FRMD3: variants seen among roughly 807,000 people sequenced by gnomAD.
The protein encoded by FRMD3 is FERM domain containing 3.
Under a neutral mutation model 70.2 loss-of-function variants are expected in FRMD3, and 33 were observed. That is an observed-to-expected ratio of 0.47 (90% CI 0.36 to 0.63). The LOEUF (loss-of-function observed/expected upper bound fraction) is 0.63, where lower values mean the gene tolerates loss of function less well. FRMD3 is among the 20% of genes least tolerant of loss of function. The pLI, the probability that FRMD3 is intolerant of heterozygous loss-of-function variation, is 0.00. For missense variants in FRMD3, 632 were observed against 711.4 expected, an observed-to-expected ratio of 0.89 and a Z score of 1.27; for synonymous variants, 279 against 255.9, an observed-to-expected ratio of 1.09 and a Z score of -0.86.
At chr9:83,462,028 C>A (rs531008687) in intron 1 of FRMD3, among the ~76,000 whole-genome samples, 1 of 152,218 alleles carries the variant, frequency 6.6e-6, no homozygotes, top group East Asian at 1.9e-4. Context: ...TATTAGCCAA[C>A]TCACTTCATT....
intron 3 of FRMD3, among the ~76,000 whole-genome samples, chr9:83,368,942 A>T (rs1824879035): frequency 6.6e-6 from 1 of 151,360 alleles, no homozygotes; most frequent in South Asian, 2.1e-4. Flanking sequence ...TCAACCTCCA[A>T]CTCCCTGGTT....
At chr9:83,536,917 C>T (rs1350681521) in intron 1 of FRMD3, among the ~76,000 whole-genome samples, 2 of 95,244 alleles carry the variant, frequency 2.1e-5, no homozygotes, top group African/African-American at 4.5e-5. Flanking sequence ...GGGTGGTGTG[C>T]CCTGTATTAC....
At chr9:83,348,234 CCT>C (rs745989697) in intron 4 of FRMD3, among the ~76,000 whole-genome samples, 3 of 151,676 alleles carry the variant, frequency 2.0e-5, no homozygotes, top group Non-Finnish European at 2.9e-5. Context: ...CTCGCTCTCT[CCT>C]CTCTCTCTCT....
intron 12 of FRMD3, among the ~76,000 whole-genome samples, chr9:83,293,953 A>G (rs1042470854): frequency 6.6e-6 from 1 of 152,244 alleles, no homozygotes; most frequent in South Asian, 2.1e-4. Flanking sequence ...CTCCCAGCCC[A>G]ATGTGAGGCA....
At chr9:83,559,978 C>A in the FRMD3 span, among the ~76,000 whole-genome samples, 3 of 152,044 alleles carry the variant, frequency 2.0e-5, no homozygotes, top group African/African-American at 7.2e-5. Flanking sequence ...ATGCTGATGG[C>A]CACAAATTCC....
intron 1 of FRMD3, among the ~76,000 whole-genome samples, chr9:83,440,640 G>A (rs533966887): frequency 3.9e-5 from 6 of 152,310 alleles, no homozygotes; most frequent in East Asian, 1.9e-4. Context: ...GAACACCTAC[G>A]CTATCAAAGG....
At chr9:83,530,858 A>T (rs1163492020) in intron 1 of FRMD3, among the ~76,000 whole-genome samples, 3 of 151,862 alleles carry the variant, frequency 2.0e-5, no homozygotes, top group African/African-American at 7.3e-5. Context: ...CTCCTATCTG[A>T]TTTTAGGTAT....
chr9:83,508,256 A>G (rs1829249958), intron 1 of FRMD3, among the ~76,000 whole-genome samples: 1 of 152,128 alleles, frequency 6.6e-6, no homozygotes. Flanking sequence ...GACAGTGGTT[A>G]CTCTCAGGAA....
At chr9:83,267,035 G>T (rs1424961566) in intron 13 of FRMD3, 12 of 1,550,956 alleles carry the variant, frequency 7.7e-6, no homozygotes, top group African/African-American at 1.4e-5. Context: ...TGTGACCTTG[G>T]AGCCGAGTCT....
rs116726689 is a variant in FRMD3 at position 83,280,338 on chromosome 9, C to T, written c.1195+10265G>A. Reference sequence around the variant, plus strand: ...ATTCGGTGTCCACTCAAGTGCAGTCCAGCACCTGTGTATATTGGAGACTTA... The same window carrying T: ...ATTCGGTGTCCACTCAAGTGCAGTCTAGCACCTGTGTATATTGGAGACTTA... On this transcript the variant is annotated intron_variant, in intron 13 of 13. Coordinates refer to ENST00000304195, the MANE Select transcript of FRMD3 (RefSeq NM_174938.6). 5.1e-3 allele frequency among the ~76,000 whole-genome samples: 781 copies of T among 152,314 alleles called. 9 individuals are homozygous for T. Among genetic ancestry groups the T allele is most frequent in the African/African-American group, 0.018 (742 of 41,564 alleles).
intron 1 of FRMD3, among the ~76,000 whole-genome samples, chr9:83,479,650 A>G (rs1479960801): frequency 2.0e-5 from 1 of 48,850 alleles, no homozygotes; most frequent in African/African-American, 1.1e-4. Flanking sequence ...GAAGGAAGGA[A>G]GGAAGGAAGG....
At chr9:83,381,991 C>T (rs561279569) in intron 2 of FRMD3, among the ~76,000 whole-genome samples, 1 of 151,954 alleles carries the variant, frequency 6.6e-6, no homozygotes, top group Admixed American at 6.6e-5. Context: ...CCAGTCCCTA[C>T]TCCCAAGAAA....
intron 1 of FRMD3, among the ~76,000 whole-genome samples, chr9:83,479,021 G>A (rs148182724): frequency 1.6e-4 from 25 of 152,032 alleles, no homozygotes; most frequent in Admixed American, 1.6e-3. Flanking sequence ...ATAAAAGAAT[G>A]AATAAACTAA....
chr9:83,268,416 A>C (rs959948649), intron 13 of FRMD3, among the ~76,000 whole-genome samples: 3 of 152,244 alleles, frequency 2.0e-5, no homozygotes, highest in Non-Finnish European at 4.4e-5. Flanking sequence ...GAAAATAATC[A>C]GAAATGCTGA....
chr9:83,329,964 C>G (rs1007128586), intron 6 of FRMD3, among the ~76,000 whole-genome samples: 2 of 152,182 alleles, frequency 1.3e-5, no homozygotes, highest in Non-Finnish European at 2.9e-5. Context: ...TATTCTTGAT[C>G]TTAAACCCCT....
chr9:83,512,970 A>T (rs917388105), intron 1 of FRMD3, among the ~76,000 whole-genome samples: 3 of 152,214 alleles, frequency 2.0e-5, no homozygotes, highest in African/African-American at 7.2e-5. Context: ...AAATAAAATG[A>T]CACGATGAAA....
chr9:83,476,399 A>T (rs1045771949), intron 1 of FRMD3, among the ~76,000 whole-genome samples: 2 of 149,230 alleles, frequency 1.3e-5, no homozygotes, highest in Non-Finnish European at 3.0e-5. Context: ...AAAAAAAAAA[A>T]GGATATGTTG....
intron 1 of FRMD3, among the ~76,000 whole-genome samples, chr9:83,459,766 C>T (rs1170459634): frequency 6.6e-6 from 1 of 152,258 alleles, no homozygotes; most frequent in African/African-American, 2.4e-5. Context: ...GCTGCCATAA[C>T]AAAATATGAC....
chr9:83,579,148 G>A, the FRMD3 span, among the ~76,000 whole-genome samples: 7 of 151,886 alleles, frequency 4.6e-5, no homozygotes, highest in African/African-American at 1.7e-4. Context: ...AATCACTGAT[G>A]AAATAATAGG....
Sources: gnomAD v4.1 joint callset for allele counts (sites outside exome capture counted in the v4.1 genomes callset) on GRCh38, gnomAD v4.1.1 for gene constraint, MANE v1.5 for transcripts, NCBI Gene and HGNC (gene_info 2026-07-23, HGNC 2026-07-21) for gene names.